RBMS1: variants seen among roughly 807,000 people sequenced by gnomAD.
The protein encoded by RBMS1 is RNA binding motif single stranded interacting protein 1.
RBMS1 carries 17 observed loss-of-function variants against 62.3 expected under a neutral mutation model. The observed-to-expected ratio is 0.27, with a 90% CI of 0.19 to 0.41. The LOEUF (loss-of-function observed/expected upper bound fraction) is 0.41, where lower values mean the gene tolerates loss of function less well. Among genes scored for constraint, RBMS1 ranks in the 10% least tolerant of loss-of-function variants. RBMS1 has a pLI of 1.00. For synonymous variants in RBMS1, 172 were observed against 170.0 expected, an observed-to-expected ratio of 1.01 and a Z score of -0.09; for missense variants, 334 against 504.5, an observed-to-expected ratio of 0.66 and a Z score of 3.24.
chr2:160,349,301 T>C (rs1692355379), intron 2 of RBMS1, among the ~76,000 whole-genome samples: 1 of 152,184 alleles, frequency 6.6e-6, no homozygotes, highest in Non-Finnish European at 1.5e-5. Context: ...AGTATCTGAT[T>C]ATTTACCACT....
At chr2:160,492,682 T>C (rs77052415) in intron 1 of RBMS1, among the ~76,000 whole-genome samples, 139 of 152,220 alleles carry the variant, frequency 9.1e-4, no homozygotes, top group Non-Finnish European at 1.7e-3. Flanking sequence ...AGCGTAAAAG[T>C]AGAAATCAGT....
intron 2 of RBMS1, among the ~76,000 whole-genome samples, chr2:160,335,581 T>C (rs1421945900): frequency 6.6e-6 from 1 of 152,236 alleles, no homozygotes; most frequent in Non-Finnish European, 1.5e-5. Context: ...TCTTTTCATT[T>C]GTTCTCAAGT....
chr2:160,425,154 T>A (rs1559535771), intron 1 of RBMS1, among the ~76,000 whole-genome samples: 1 of 152,174 alleles, frequency 6.6e-6, no homozygotes, highest in Non-Finnish European at 1.5e-5. Flanking sequence ...AGTGAGAGCA[T>A]TTAAAAGCAC....
intron 1 of RBMS1, chr2:160,416,170 A>G (rs1467237410): frequency 1.3e-5 from 2 of 149,964 alleles, no homozygotes; most frequent in Admixed American, 1.3e-4. Context: ...AAGTGAAGAG[A>G]AGGCAAATGA....
At chr2:160,294,300 A>T (rs1688827239) in intron 6 of RBMS1, among the ~76,000 whole-genome samples, 1 of 152,242 alleles carries the variant, frequency 6.6e-6, no homozygotes, top group African/African-American at 2.4e-5. Flanking sequence ...CAAGATTTTA[A>T]AAGAGCATTT....
rs779265538 is a variant in RBMS1 at position 160,303,425 on chromosome 2, T to C, written c.465A>G (p.Gln155=). 1 of 1,613,546 alleles carries C rather than the reference T, an allele frequency of 6.2e-7. No individual in the cohort carries two copies. The highest frequency in any genetic ancestry group is 8.5e-7 in the Non-Finnish European group (1 of 1,179,628). ...ATGGTTTGAGCATATTTTCTAGTTC[T>C]TGCTCATCCATGGAGAGTGGCAAAT... ...ISNLPLSMDE[Q]ELENMLKPFG... Residue 155 remains glutamine (Q), a synonymous_variant, in exon 5 of 14, where the codon CAA becomes CAG. Coordinates refer to ENST00000348849, the MANE Select transcript of RBMS1 (RefSeq NM_016836.4).
intron 2 of RBMS1, among the ~76,000 whole-genome samples, chr2:160,346,394 G>C (rs1692176120): frequency 6.6e-6 from 1 of 152,048 alleles, no homozygotes; most frequent in South Asian, 2.1e-4. Flanking sequence ...CTGCTTTCCT[G>C]TCTTTCTAAG....
intron 1 of RBMS1, among the ~76,000 whole-genome samples, chr2:160,376,263 A>G (rs1693994464): frequency 1.3e-5 from 2 of 152,160 alleles, no homozygotes; most frequent in Non-Finnish European, 1.5e-5. Flanking sequence ...AAACCAACTT[A>G]TTTATTTATT....
At chr2:160,457,830 G>A (rs553632027) in intron 1 of RBMS1, among the ~76,000 whole-genome samples, 7 of 152,158 alleles carry the variant, frequency 4.6e-5, no homozygotes, top group African/African-American at 1.7e-4. Context: ...GTGATTTCCT[G>A]GCATTCTCGG....
intron 1 of RBMS1, among the ~76,000 whole-genome samples, chr2:160,391,776 G>A (rs1455255968): frequency 2.6e-5 from 4 of 152,044 alleles, no homozygotes; most frequent in Admixed American, 1.3e-4. Flanking sequence ...TCAGGAGTTC[G>A]AGAGCAGCCT....
chr2:160,423,216 CTTT>C (rs1178084616), intron 1 of RBMS1, among the ~76,000 whole-genome samples: 215 of 143,064 alleles, frequency 1.5e-3, no homozygotes, highest in Admixed American at 2.3e-3. Flanking sequence ...CTTTTCTTTT[CTTT>C]TTTTCTTTCA....
chr2:160,410,220 T>C (rs1466659621), intron 1 of RBMS1, among the ~76,000 whole-genome samples: 1 of 15,370 alleles, frequency 6.5e-5, no homozygotes, highest in Non-Finnish European at 1.2e-4. Context: ...AGACCCCGTC[T>C]CAAAAAAAAA....
chr2:160,392,145 T>C (rs1223349142), intron 1 of RBMS1, among the ~76,000 whole-genome samples: 1 of 152,190 alleles, frequency 6.6e-6, no homozygotes, highest in Non-Finnish European at 1.5e-5. Context: ...TTTTATTTTG[T>C]ACCTACCTAT....
rs1184090460 is a variant in RBMS1 at position 160,404,861 on chromosome 2, AG to A, written c.76-37471del. Reference sequence around the variant, plus strand: ...CCTAAACTGGACTTCTGAGATTAGAAGGGTGATGGGCTATGATGCAGATAAG... The same window carrying A: ...CCTAAACTGGACTTCTGAGATTAGAAGGTGATGGGCTATGATGCAGATAAG... On this transcript the variant is annotated intron_variant, in intron 1 of 13. Transcript: ENST00000348849. 4.6e-5 allele frequency among the ~76,000 whole-genome samples: 7 copies of A among 152,330 alleles called. No individual in the cohort carries two copies. The East Asian group carries it at 1.2e-3, about 25-fold the overall frequency.
rs916112307 is a variant in RBMS1, at chr2:160,272,556, T to C, written c.*2216A>G. On this transcript the variant is annotated 3_prime_UTR_variant, in exon 14 of 14. Transcript: ENST00000348849. ...GTATGGCACTTAGTTCAGACATTTC[T>C]AGCAGCAGATTTCCCCTCCCCTCTA... 17 of 152,208 alleles carry C rather than the reference T, an allele frequency of 1.1e-4. No homozygotes were observed. Among genetic ancestry groups the C allele is most frequent in the African/African-American group, 3.9e-4 (16 of 41,522 alleles). The allele number at this position is 152,208 out of a possible 1,614,324, so 9.4% of individuals were successfully genotyped here.
chr2:160,289,567 G>A (rs1176574537), intron 6 of RBMS1, among the ~76,000 whole-genome samples: 1 of 152,128 alleles, frequency 6.6e-6, no homozygotes, highest in Non-Finnish European at 1.5e-5. Flanking sequence ...TATGTGCCAA[G>A]TACACAAGAG....
intron 1 of RBMS1, among the ~76,000 whole-genome samples, chr2:160,439,631 C>T (rs1171905546): frequency 2.4e-4 from 36 of 151,904 alleles, no homozygotes; most frequent in African/African-American, 8.7e-4. Flanking sequence ...GGCGGAGACG[C>T]TCCTCACTTC....
At chr2:160,278,373 T>C (rs2105929022) in intron 11 of RBMS1, 175 bp downstream of exon 11, 1 of 632,540 alleles carries the variant, frequency 1.6e-6, no homozygotes, top group Non-Finnish European at 2.8e-6. Flanking sequence ...TTTCAGTTCA[T>C]CAATTAATTA....
intron 2 of RBMS1, among the ~76,000 whole-genome samples, chr2:160,359,569 A>C (rs1033862332): frequency 1.3e-5 from 2 of 152,188 alleles, no homozygotes; most frequent in Non-Finnish European, 2.9e-5. Flanking sequence ...TATTTCAGGT[A>C]ATTTCTATAC....
Sources: gnomAD v4.1 joint callset for allele counts (sites outside exome capture counted in the v4.1 genomes callset) on GRCh38, gnomAD v4.1.1 for gene constraint, MANE v1.5 for transcripts, NCBI Gene and HGNC (gene_info 2026-07-23, HGNC 2026-07-21) for gene names.